ATP8B4: variants seen among roughly 807,000 people sequenced by gnomAD.
ATP8B4 encodes ATPase phospholipid transporting 8B4 (putative).
ATP8B4 carries 133 observed loss-of-function variants against 145.6 expected under a neutral mutation model. The ratio of observed to expected loss-of-function variants is 0.91; its 90% CI spans 0.79 to 1.05. The LOEUF (loss-of-function observed/expected upper bound fraction) is 1.05, where lower values mean the gene tolerates loss of function less well. ATP8B4 is among the 50% of genes least tolerant of loss of function. The pLI is 0.00. For missense variants in ATP8B4, 1,458 were observed against 1,425.2 expected (o/e 1.02, Z -0.37); for synonymous variants, 507 against 492.9 (o/e 1.03, Z -0.38).
At chr15:50,154,883 C>T (rs193052992) in intron 1 of ATP8B4, among the ~76,000 whole-genome samples, 2,072 of 152,152 alleles carry the variant, frequency 0.014, 48 homozygotes, top group African/African-American at 0.048. Context: ...ACCATGTTGG[C>T]CAGGCTGGAC....
At chr15:50,126,250 A>AAC (rs2057306695) in intron 1 of ATP8B4, among the ~76,000 whole-genome samples, 2 of 151,908 alleles carry the variant, frequency 1.3e-5, no homozygotes, top group African/African-American at 2.4e-5. Context: ...CAAAAAAAAA[A>AAC]AAAAAACACT....
rs549370554 is a variant in ATP8B4, at chr15:49,862,519, C to A, written c.3167-144G>T. ...TCCAGGCTGGTGGAATGCAGTGGTG[C>A]GATCTCAGCTCACTGCAAGCTCTGC... On this transcript the variant is annotated intron_variant, in intron 26 of 27. Transcript: ENST00000284509. The A allele has an allele frequency of 1.3e-5, 12 of 937,674 alleles. No individual in the cohort carries two copies. The Admixed American group carries it at 3.5e-4, about 27-fold the overall frequency. 58.1% of individuals were successfully genotyped at this position (937,674 alleles called of 1,614,324 possible).
chr15:50,125,586 G>A (rs2153678410), intron 1 of ATP8B4, among the ~76,000 whole-genome samples: 1 of 152,284 alleles, frequency 6.6e-6, no homozygotes, highest in African/African-American at 2.4e-5. Context: ...AAATAGCTCA[G>A]AGCAGTCTGC....
At chr15:49,969,009 T>C (rs763151831) in intron 13 of ATP8B4, among the ~76,000 whole-genome samples, 2 of 152,180 alleles carry the variant, frequency 1.3e-5, no homozygotes, top group Non-Finnish European at 2.9e-5. Flanking sequence ...CTGAACAACT[T>C]GCTCCTGAAT....
chr15:50,048,783 A>C (rs948483970), intron 3 of ATP8B4, among the ~76,000 whole-genome samples: 4 of 152,138 alleles, frequency 2.6e-5, no homozygotes, highest in African/African-American at 9.7e-5. Context: ...AGATTAGGAC[A>C]CACAAGGAAA....
chr15:49,934,020 C>A lies in ATP8B4; in HGVS notation c.1450G>T (p.Ala484Ser). The A allele has an allele frequency of 1.3e-6, 2 of 1,598,908 alleles. No individual in the cohort carries two copies. Among genetic ancestry groups the A allele is most frequent in the East Asian group, 2.2e-5 (1 of 44,584 alleles). ...TCAGACATAACTTTTCACTTACCTG[C>A]GCTATTCTCTTCTGACATTACAGTG... Reference protein sequence around the residue: ...CHTVMSEENSAGELIYQVQSP... With the variant: ...CHTVMSEENSSGELIYQVQSP... Residue 484 changes from alanine (A) to serine (S), a missense_variant, in exon 15 of 28, where the codon GCA (alanine) becomes TCA (serine). By Grantham distance (99) the Ala-to-Ser change is moderately conservative. Coordinates refer to ENST00000284509, the MANE Select transcript of ATP8B4 (RefSeq NM_024837.4).
rs770872950 is a variant in ATP8B4 at position 49,918,878 on chromosome 15, C to G, written c.1996G>C (p.Ala666Pro). ...VIETVTSLSL[A>P]NIKIWVLTGD... The stretch of plus-strand genomic sequence containing the variant: ...GTTAGGACCCAGATCTTAATATTGG[C>G]TAGTGATAAACTTGTAACTGTTTCA... The change falls in exon 19 of 28, where the codon GCC becomes CCC. Residue 666 changes from alanine (A) to proline (P), a missense_variant. Ala to Pro is a conservative substitution (Grantham distance 27, BLOSUM62 -1). Coordinates refer to ENST00000284509, the MANE Select transcript of ATP8B4 (RefSeq NM_024837.4). 1.2e-6 allele frequency: 2 copies of G among 1,613,332 alleles called. No individual in the cohort carries two copies. The highest frequency in any genetic ancestry group is 2.7e-5 in the African/African-American group (2 of 74,890).
chr15:49,894,285 T>C (rs1056076973), intron 23 of ATP8B4, among the ~76,000 whole-genome samples: 2 of 152,176 alleles, frequency 1.3e-5, no homozygotes, highest in Admixed American at 6.5e-5. Context: ...TGAATATTTA[T>C]TAAATGAGTG....
rs1303007631 is a variant in ATP8B4 at position 49,996,750 on chromosome 15, G to T, written c.516C>A (p.Asn172Lys). ...CTGATAGTGCATGGCGGACTTTTAG[G>T]TTCGTTTCCCTGTGAAATTATTGAC... ...VETAELDGET[N>K]LKVRHALSVT... is the part of the protein sequence containing the mutation. Residue 172 changes from asparagine to lysine, a missense_variant, in exon 9 of 28, where the codon AAC (asparagine) becomes AAA (lysine). By Grantham distance (94) the Asn-to-Lys change is moderately conservative (BLOSUM62 0). Coordinates refer to ENST00000284509, the MANE Select transcript of ATP8B4 (RefSeq NM_024837.4). 3 of 1,609,538 alleles carry T rather than the reference G, an allele frequency of 1.9e-6. No individual in the cohort carries two copies. Among genetic ancestry groups the T allele is most frequent in the Admixed American group, 1.7e-5 (1 of 59,810 alleles).
At chr15:50,075,513 A>C (rs540592963) in intron 2 of ATP8B4, among the ~76,000 whole-genome samples, 2 of 152,274 alleles carry the variant, frequency 1.3e-5, no homozygotes, top group East Asian at 3.9e-4. Context: ...CTGTCCAGTA[A>C]CCACCTGCAT....
chr15:50,175,766 C>T (rs557617031), intron 1 of ATP8B4, among the ~76,000 whole-genome samples: 11 of 152,152 alleles, frequency 7.2e-5, no homozygotes, highest in Non-Finnish European at 1.2e-4. Flanking sequence ...TAAACTAGTA[C>T]AGCCACTATG....
At chr15:49,934,250 A>G in intron 14 of ATP8B4, 68 bp from the exon 15 acceptor site, 1 of 1,504,358 alleles carries the variant, frequency 6.6e-7, no homozygotes, top group Non-Finnish European at 8.9e-7. Flanking sequence ...TAAAATTCAA[A>G]AATAGTTCCC....
chr15:49,921,903 T>C (rs146084993), intron 17 of ATP8B4, among the ~76,000 whole-genome samples: 1,545 of 152,332 alleles, frequency 0.01, 12 homozygotes, highest in Non-Finnish European at 0.017. Context: ...TGTCTTGTAA[T>C]GATCTTTTGT....
At chr15:49,926,560 T>C (rs2040744250) in intron 16 of ATP8B4, among the ~76,000 whole-genome samples, 1 of 152,146 alleles carries the variant, frequency 6.6e-6, no homozygotes, top group African/African-American at 2.4e-5. Context: ...TTTGGACTCC[T>C]TGACATGACA....
intron 5 of ATP8B4, 49 bp downstream of exon 5, chr15:50,044,545 G>T: frequency 7.7e-7 from 1 of 1,296,338 alleles, no homozygotes; most frequent in Non-Finnish European, 1.1e-6. Flanking sequence ...TTTCTGAGAA[G>T]CCACAACTGA....
chr15:50,008,467 C>T (rs945309149), intron 7 of ATP8B4, among the ~76,000 whole-genome samples: 6 of 152,120 alleles, frequency 3.9e-5, no homozygotes, highest in Non-Finnish European at 5.9e-5. Context: ...AATACAGTAG[C>T]CACAAATCAC....
intron 20 of ATP8B4, among the ~76,000 whole-genome samples, chr15:49,904,879 T>C (rs1453206769): frequency 6.6e-6 from 1 of 152,252 alleles, no homozygotes; most frequent in African/African-American, 2.4e-5. Flanking sequence ...GGAGTCACTT[T>C]ATGATTTAGT....
rs35144345 is a variant in ATP8B4, at chr15:49,974,397, C to CTT, written c.1035-1609_1035-1608dup. 7.6e-3 allele frequency among the ~76,000 whole-genome samples: 1,086 copies of CTT among 142,912 alleles called. 18 individuals carry two copies. Among genetic ancestry groups the CTT allele is most frequent in the African/African-American group, 0.025 (987 of 38,808 alleles). The allele number at this position is 142,912 out of a possible 152,430, so 93.8% of individuals were successfully genotyped here. A position where few individuals can be genotyped will look rare whatever the true frequency, so the allele number is the denominator to read the frequency against. On this transcript the variant is annotated intron_variant, in intron 12 of 27. Coordinates refer to ENST00000284509, the MANE Select transcript of ATP8B4 (RefSeq NM_024837.4). ...GAGCCACCGCACCCAGCCACTTGTCCTTTTTTTTTTTTTTAGAGACAGGGT... is the reference window on the plus strand; with the variant it reads ...GAGCCACCGCACCCAGCCACTTGTCCTTTTTTTTTTTTTTTTAGAGACAGGGT...
intron 2 of ATP8B4, among the ~76,000 whole-genome samples, chr15:50,101,165 T>C (rs1197514273): frequency 1.3e-5 from 2 of 152,144 alleles, no homozygotes; most frequent in East Asian, 3.9e-4. Context: ...AGATGAGATG[T>C]ACTGGGGACT....
Sources: allele counts gnomAD v4.1 joint callset (sites outside exome capture counted in the v4.1 genomes callset), GRCh38; gene constraint gnomAD v4.1.1; transcripts MANE v1.5; gene names NCBI Gene and HGNC (gene_info 2026-07-23, HGNC 2026-07-21).